KDM4C: variants seen among roughly 807,000 people sequenced by gnomAD.
KDM4C encodes the protein lysine demethylase 4C.
Under a neutral mutation model 129.3 loss-of-function variants are expected in KDM4C, and 81 were observed. That is an observed-to-expected ratio of 0.63 (90% confidence interval 0.52 to 0.75). The LOEUF (loss-of-function observed/expected upper bound fraction) is 0.75, where lower values mean the gene tolerates loss of function less well. Among genes scored for constraint, KDM4C ranks in the 30% least tolerant of loss-of-function variants. KDM4C has a pLI of 0.00. For synonymous variants in KDM4C, 573 were observed against 456.1 expected (o/e 1.26, Z -3.26); for missense variants, 1,457 against 1,304.0 (o/e 1.12, Z -1.81).
intron 18 of KDM4C, among the ~76,000 whole-genome samples, chr9:7,118,185 T>A (rs1564140635): frequency 6.6e-6 from 1 of 152,230 alleles, no homozygotes; most frequent in Non-Finnish European, 1.5e-5. Flanking sequence ...TTAAAGTGAA[T>A]AAGACCTTAA....
intron 1 of KDM4C, among the ~76,000 whole-genome samples, chr9:6,789,975 C>A (rs972544152): frequency 2.6e-5 from 4 of 151,690 alleles, no homozygotes; most frequent in Non-Finnish European, 4.4e-5. Context: ...GAGATAGATG[C>A]TCATTTAAAC....
At chr9:7,080,325 C>T (rs1834386790) in intron 17 of KDM4C, among the ~76,000 whole-genome samples, 1 of 152,174 alleles carries the variant, frequency 6.6e-6, no homozygotes, top group Non-Finnish European at 1.5e-5. Context: ...GAGATCACAG[C>T]ACTTTGTCAG....
chr9:6,947,199 A>G (rs1252722900), intron 8 of KDM4C, among the ~76,000 whole-genome samples: 1 of 152,162 alleles, frequency 6.6e-6, no homozygotes, highest in East Asian at 1.9e-4. Flanking sequence ...AGTTTCTACA[A>G]CCGTACTTCT....
intron 15 of KDM4C, among the ~76,000 whole-genome samples, chr9:7,040,400 T>TGTGC (rs760336531): frequency 0.082 from 11,755 of 143,198 alleles, 731 homozygotes; most frequent in African/African-American, 0.16. Flanking sequence ...TGTGTGTGTG[T>TGTGC]GTGTGCGTGT....
In KDM4C at chr9:6,922,180, C is replaced by G. The variant is rs115088312; in HGVS notation, c.921+28948C>G. On this transcript the variant is annotated intron_variant, in intron 8 of 21. Coordinates refer to ENST00000381309, the MANE Select transcript of KDM4C (RefSeq NM_015061.6). The stretch of plus-strand genomic sequence containing the variant: ...AGACTTTTAACTTACACAGTTTAGC[C>G]CAATCTTAGCTGCTGCTGCTATGTT... 4.2e-3 allele frequency among the ~76,000 whole-genome samples: 646 copies of G among 152,276 alleles called. 3 individuals are homozygous for G. Among genetic ancestry groups the G allele is most frequent in the African/African-American group, 0.015 (612 of 41,544 alleles).
rs181557461 is a variant in KDM4C, at chr9:6,830,707, T to C, written c.435+15962T>C. ...TGCCTATGTGTATGATCCAGAATTT[T>C]ATTCTGTGAAGAATGAAGAATGAAA... is the stretch of plus-strand genomic sequence containing the variant. On this transcript the variant is annotated intron_variant, in intron 4 of 21. Transcript: ENST00000381309. 2.5e-4 allele frequency among the ~76,000 whole-genome samples: 38 copies of C among 152,366 alleles called. No individual in the cohort carries two copies. In the East Asian group the frequency reaches 6.2e-3, roughly 25 times the overall value.
At chr9:7,065,673 C>T (rs12342913) in intron 17 of KDM4C, among the ~76,000 whole-genome samples, 1,549 of 152,152 alleles carry the variant, frequency 0.01, 41 homozygotes, top group African/African-American at 0.035. Flanking sequence ...CAGTGTAGTC[C>T]AGTGAAATAT....
At chr9:6,835,164 G>C in intron 4 of KDM4C, 3 of 951,432 alleles carry the variant, frequency 3.2e-6, no homozygotes, top group Non-Finnish European at 5.2e-6. Context: ...CCCTGGAGAA[G>C]AGCTATGAGC....
At chr9:6,761,360 G>A (rs1353995799) in intron 1 of KDM4C, among the ~76,000 whole-genome samples, 1 of 151,804 alleles carries the variant, frequency 6.6e-6, no homozygotes, top group Non-Finnish European at 1.5e-5. Context: ...TGGAGACAGG[G>A]TGTAACTCTG....
At chr9:6,892,572 G>C (rs1846252042) in intron 7 of KDM4C, among the ~76,000 whole-genome samples, 1 of 152,044 alleles carries the variant, frequency 6.6e-6, no homozygotes, top group African/African-American at 2.4e-5. Flanking sequence ...CTGTGAAATG[G>C]ACTGTGCTTA....
At chr9:6,930,415 C>T (rs7038154) in intron 8 of KDM4C, among the ~76,000 whole-genome samples, 34,277 of 150,846 alleles carry the variant, frequency 0.23, 4,665 homozygotes, top group Middle Eastern at 0.4. Flanking sequence ...ATAAAGCACG[C>T]GTTGAATTTA....
chr9:6,960,738 C>T (rs1388435111), intron 8 of KDM4C, among the ~76,000 whole-genome samples: 1 of 152,170 alleles, frequency 6.6e-6, no homozygotes, highest in Non-Finnish European at 1.5e-5. Flanking sequence ...AGTAAACAGT[C>T]TCTTTCTCCA....
intron 17 of KDM4C, among the ~76,000 whole-genome samples, chr9:7,061,157 CCTT>C (rs768306486): frequency 6.6e-5 from 10 of 152,136 alleles, no homozygotes; most frequent in Non-Finnish European, 1.2e-4. Context: ...ACAGATGTGT[CCTT>C]CTTCTCCCTC....
chr9:7,052,886 A>AGAGAGAGAGAGAGAGG (rs1830356593), intron 17 of KDM4C, among the ~76,000 whole-genome samples: 2 of 12,436 alleles, frequency 1.6e-4, no homozygotes, highest in Non-Finnish European at 3.2e-4. Context: ...AGAGAGAGAG[A>AGAGAGAGAGAGAGAGG]GAGAGAGAGA....
chr9:6,966,283 C>T (rs956279347), intron 8 of KDM4C, among the ~76,000 whole-genome samples: 3 of 151,980 alleles, frequency 2.0e-5, no homozygotes, highest in African/African-American at 2.4e-5. Context: ...TCCAGGTTCA[C>T]GCCATTCTCC....
intron 17 of KDM4C, among the ~76,000 whole-genome samples, chr9:7,081,881 A>G (rs2132944175): frequency 6.6e-6 from 1 of 152,308 alleles, no homozygotes; most frequent in African/African-American, 2.4e-5. Flanking sequence ...CAGGATGAAC[A>G]TTATATATCT....
At position 6,834,928 on chromosome 9, in the gene KDM4C, G is replaced by T; in HGVS notation, c.436-14579G>T. 3 of 1,144,222 alleles carry T rather than the reference G, an allele frequency of 2.6e-6. No individual in the cohort carries two copies. In the South Asian group the frequency reaches 3.7e-5, roughly 14 times the overall value. The allele number at this position is 1,144,222 out of a possible 1,614,324, so 70.9% of individuals were successfully genotyped here. ...GTACCGTGATGGACTCCGGTGACGG[G>T]GTCACCCACAGTGTGCCCATCTGCG... On this transcript the variant is annotated intron_variant, in intron 4 of 21. Coordinates refer to ENST00000381309, the MANE Select transcript of KDM4C (RefSeq NM_015061.6).
At chr9:6,926,733 G>A (rs1268986474) in intron 8 of KDM4C, among the ~76,000 whole-genome samples, 2 of 152,136 alleles carry the variant, frequency 1.3e-5, no homozygotes, top group Non-Finnish European at 2.9e-5. Context: ...CAGCAACATT[G>A]GGGTGTGTTT....
chr9:6,765,898 C>G (rs1333904143), intron 1 of KDM4C, among the ~76,000 whole-genome samples: 1 of 152,048 alleles, frequency 6.6e-6, no homozygotes, highest in African/African-American at 2.4e-5. Context: ...AAGCTATTCC[C>G]CTGCCTCAGT....
Sources: allele counts gnomAD v4.1 joint callset (sites outside exome capture counted in the v4.1 genomes callset), GRCh38; gene constraint gnomAD v4.1.1; transcripts MANE v1.5; gene names NCBI Gene and HGNC (gene_info 2026-07-23, HGNC 2026-07-21).